The following C13orf42 variants were observed in gnomAD, a reference collection of about 807,000 sequenced individuals.
The protein encoded by C13orf42 is uncharacterized protein C13orf42.
In C13orf42 at chr13:51,082,779, G is replaced by T. The variant is rs1271706218; in HGVS notation, c.*1372C>A. 1 of 152,158 alleles carries T rather than the reference G, an allele frequency of 6.6e-6. No homozygotes were observed. The highest frequency in any genetic ancestry group is 2.4e-5 in the African/African-American group (1 of 41,424). The allele number at this position is 152,158 out of a possible 1,614,324, so 9.4% of individuals were successfully genotyped here. A position where few individuals can be genotyped will look rare whatever the true frequency, so the allele number is the denominator to read the frequency against. The stretch of plus-strand genomic sequence containing the variant: ...GGCACTCGAAAAATAATAAAGAGAG[G>T]TATTAAAACATTTCTAGTATGGTTT... On this transcript the variant is annotated 3_prime_UTR_variant, in exon 4 of 4. Transcript: ENST00000563710.
intron 1 of C13orf42, among the ~76,000 whole-genome samples, chr13:51,142,214 G>A (rs917463803): frequency 6.6e-6 from 1 of 152,180 alleles, no homozygotes; most frequent in East Asian, 1.9e-4. Context: ...GTTTGTTTTG[G>A]GAAAGAACTG....
chr13:51,167,151 T>C (rs1953909175), intron 1 of C13orf42, among the ~76,000 whole-genome samples: 2 of 151,744 alleles, frequency 1.3e-5, no homozygotes, highest in African/African-American at 4.8e-5. Context: ...AGGGCTAAGA[T>C]TAAAAAGCTC....
At chr13:51,147,466 A>G (rs1256354806) in intron 1 of C13orf42, among the ~76,000 whole-genome samples, 1 of 152,176 alleles carries the variant, frequency 6.6e-6, no homozygotes, top group African/African-American at 2.4e-5. Context: ...ATGGTGGCTC[A>G]TGCCTGTAAT....
At chr13:51,110,725 A>C (rs1953418761) in intron 1 of C13orf42, 71 bp downstream of exon 1, 1 of 397,756 alleles carries the variant, frequency 2.5e-6, no homozygotes, top group Non-Finnish European at 4.4e-6. Flanking sequence ...AGGTAGGAAG[A>C]AGCTTTCAAA....
chr13:51,103,385 C>A (rs923619253), intron 1 of C13orf42, among the ~76,000 whole-genome samples: 2 of 152,112 alleles, frequency 1.3e-5, no homozygotes, highest in Non-Finnish European at 2.9e-5. Flanking sequence ...CCATTGAAAC[C>A]AAGACTGATC....
At chr13:51,146,009 T>C (rs973936398) in intron 1 of C13orf42, among the ~76,000 whole-genome samples, 1 of 152,194 alleles carries the variant, frequency 6.6e-6, no homozygotes, top group Non-Finnish European at 1.5e-5. Flanking sequence ...TTTTCGGGGT[T>C]CATAGAAGAC....
In C13orf42 at chr13:51,084,344, G is replaced by A. The variant is rs1241038827; in HGVS notation, c.804-19C>T. On this transcript the variant is annotated intron_variant, in intron 3 of 3. Coordinates refer to ENST00000563710, the MANE Select transcript of C13orf42 (RefSeq NM_001351589.3). The stretch of plus-strand genomic sequence containing the variant: ...CCCCAGGCTAGAAGGAAGGAATGAG[G>A]CAGGAGGTTTAAGTTCGGCTTGGCC... The A allele has an allele frequency of 1.0e-5, 4 of 398,732 alleles. No homozygotes were observed. Among genetic ancestry groups the A allele is most frequent in the Admixed American group, 4.4e-5 (1 of 22,722 alleles). The allele number at this position is 398,732 out of a possible 1,614,324, so 24.7% of individuals were successfully genotyped here.
At chr13:51,139,044 C>CTAAAAT (rs1953678021) in intron 1 of C13orf42, among the ~76,000 whole-genome samples, 1 of 152,110 alleles carries the variant, frequency 6.6e-6, no homozygotes, top group Non-Finnish European at 1.5e-5. Context: ...CGGCCGGGTG[C>CTAAAAT]AGTAGTTCAC....
intron 1 of C13orf42, among the ~76,000 whole-genome samples, chr13:51,142,779 A>G (rs1051974058): frequency 6.6e-6 from 1 of 151,968 alleles, no homozygotes; most frequent in Admixed American, 6.6e-5. Flanking sequence ...TAGGTAAAAA[A>G]GCTTAAAGAA....
intron 1 of C13orf42, among the ~76,000 whole-genome samples, chr13:51,122,450 C>T (rs1257165119): frequency 6.6e-6 from 1 of 151,120 alleles, no homozygotes; most frequent in African/African-American, 2.4e-5. Flanking sequence ...AGGAGAATTG[C>T]TTGAACTCAG....
At chr13:51,112,716 C>A (rs2138005956), upstream of C13orf42, among the ~76,000 whole-genome samples, 1 of 152,268 alleles carries the variant, frequency 6.6e-6, no homozygotes, top group South Asian at 2.1e-4. Flanking sequence ...TAGTGGTCAT[C>A]AATTCACAGA....
chr13:51,140,835 T>A (rs1346021196), intron 1 of C13orf42, among the ~76,000 whole-genome samples: 3 of 152,088 alleles, frequency 2.0e-5, no homozygotes, highest in African/African-American at 7.2e-5. Flanking sequence ...CTGAGACCCA[T>A]CACTAGGTAA....
At chr13:51,133,188 G>A (rs929498454) in intron 1 of C13orf42, among the ~76,000 whole-genome samples, 4 of 152,090 alleles carry the variant, frequency 2.6e-5, no homozygotes, top group East Asian at 1.9e-4. Context: ...CGGACTCACC[G>A]TGAATTCTTT....
chr13:51,142,820 T>C (rs1174486984), intron 1 of C13orf42, among the ~76,000 whole-genome samples: 5 of 152,164 alleles, frequency 3.3e-5, no homozygotes, highest in South Asian at 2.1e-4. Flanking sequence ...GAATCTTCTA[T>C]GGTAAATTTA....
At chr13:51,112,717 A>G (rs1221794479), upstream of C13orf42, among the ~76,000 whole-genome samples, 3 of 152,304 alleles carry the variant, frequency 2.0e-5, no homozygotes, top group Admixed American at 6.5e-5. Context: ...AGTGGTCATC[A>G]ATTCACAGAT....
At chr13:51,156,171 G>C (rs916830762) in intron 1 of C13orf42, among the ~76,000 whole-genome samples, 1 of 152,186 alleles carries the variant, frequency 6.6e-6, no homozygotes, top group Non-Finnish European at 1.5e-5. Flanking sequence ...CACGTGCCTA[G>C]GATTCGGGGC....
chr13:51,171,527 T>A (rs1209128308), intron 1 of C13orf42, among the ~76,000 whole-genome samples: 2 of 152,018 alleles, frequency 1.3e-5, no homozygotes, highest in Non-Finnish European at 2.9e-5. Flanking sequence ...CCATCTGACC[T>A]CTCCCTTCCT....
At chr13:51,139,745 T>C (rs771292047) in intron 1 of C13orf42, among the ~76,000 whole-genome samples, 1 of 152,174 alleles carries the variant, frequency 6.6e-6, no homozygotes, top group Non-Finnish European at 1.5e-5. Context: ...TTATCCTATA[T>C]GGTCTAAAAA....
chr13:51,169,541 C>T (rs914604770), intron 1 of C13orf42, among the ~76,000 whole-genome samples: 12 of 152,226 alleles, frequency 7.9e-5, no homozygotes, highest in Non-Finnish European at 2.9e-5. Context: ...TTTCAGAGGT[C>T]TTTGCAGCAG....
Sources: allele counts gnomAD v4.1 joint callset (sites outside exome capture counted in the v4.1 genomes callset), GRCh38; gene constraint gnomAD v4.1.1; transcripts MANE v1.5; gene names NCBI Gene and HGNC (gene_info 2026-07-23, HGNC 2026-07-21).